AHNAK2: variants seen among roughly 807,000 people sequenced by gnomAD.
The protein encoded by AHNAK2 is AHNAK nucleoprotein 2, also known as protein AHNAK2.
In AHNAK2, 18 loss-of-function variants were observed where a neutral mutation model predicts 30.7. The observed-to-expected ratio is 0.59, with a 90% CI of 0.41 to 0.87. The LOEUF is 0.87. AHNAK2 is among the 40% of genes least tolerant of loss of function. The pLI is 0.00. For missense variants in AHNAK2, 8,604 were observed against 7,373.0 expected (o/e 1.17, Z -6.11); for synonymous variants, 3,590 against 3,073.8 (o/e 1.17, Z -5.56).
At chr14:104,956,751 G>C (rs1898987786) in intron 3 of AHNAK2, 62 bp from the exon 4 acceptor site, 5 of 1,509,894 alleles carry the variant, frequency 3.3e-6, no homozygotes, top group Non-Finnish European at 4.6e-6. Context: ...GAGGGGCACA[G>C]GTAGGCTGGT....
At position 104,948,471 on chromosome 14, in the gene AHNAK2, G is replaced by A. The variant is rs373144352; in HGVS notation, c.6980C>T (p.Ser2327Leu). 61 of 1,610,714 alleles carry A rather than the reference G, an allele frequency of 3.8e-5. No homozygotes were observed. The highest frequency in any genetic ancestry group is 6.6e-5 in the South Asian group (6 of 91,032). ...KFKMPKFKML[S>L]FGVSALGKSI... ...CTTGCCAAGGGCAGACACCCCAAACGACAGCATCTTGAACTTGGGCATTTT... is the reference window on the plus strand; with the variant it reads ...CTTGCCAAGGGCAGACACCCCAAACAACAGCATCTTGAACTTGGGCATTTT... Residue 2327 changes from serine to leucine, a missense_variant, in exon 7 of 7, where the codon TCG becomes TTG. Coordinates refer to ENST00000333244, the MANE Select transcript of AHNAK2 (RefSeq NM_138420.4).
rs1385217169 is a variant in AHNAK2, at chr14:104,947,533, C to G, written c.7918G>C (p.Gly2640Arg). 1.9e-6 allele frequency: 3 copies of G among 1,612,512 alleles called. No individual in the cohort carries two copies. The change falls in exon 7 of 7, where the codon GGT becomes CGT. Residue 2640 changes from glycine to arginine, a missense_variant. By Grantham distance (125) the Gly-to-Arg change is moderately radical (BLOSUM62 -2). Transcript: ENST00000333244. ...AACTTGCTATCTTTGGCTGTCACAC[C>G]CTTGTCGGCCAGGGACAGGTCCCCC... The part of the protein sequence containing the change: ...LEGDLSLADK[G>R]VTAKDSKFKM...
Position 104,943,230 on chromosome 14 carries a change from T to G in AHNAK2, c.12221A>C (p.Lys4074Thr). The G allele has an allele frequency of 3.7e-6, 6 of 1,612,774 alleles. No individual in the cohort carries two copies. The highest frequency in any genetic ancestry group is 5.1e-6 in the Non-Finnish European group (6 of 1,179,496). ...VDLKGPQIDV[K>T]GPKLDLKGPK... Reference sequence around the variant, plus strand: ...GCCTTTCAGGTCCAGCTTGGGGCCCTTAACATCTATCTGGGGGCCCTTGAG... The same window carrying G: ...GCCTTTCAGGTCCAGCTTGGGGCCCGTAACATCTATCTGGGGGCCCTTGAG... The change falls in exon 7 of 7, where the codon AAG (lysine) becomes ACG (threonine). Residue 4074 changes from lysine (K) to threonine (T), a missense_variant. By Grantham distance (78) the Lys-to-Thr change is moderately conservative. Transcript: ENST00000333244.
In AHNAK2 at chr14:104,947,618, C is replaced by T; in HGVS notation, c.7833G>A (p.Leu2611=). ...CCTGGACGTCCACCTCCATGCTGGACAGAGACATCTCCACATCGGGGGCTG... is the reference window on the plus strand; with the variant it reads ...CCTGGACGTCCACCTCCATGCTGGATAGAGACATCTCCACATCGGGGGCTG... ...EVTAPDVEMS[L]SSMEVDVQAP... The change falls in exon 7 of 7, where the codon CTG becomes CTA. Residue 2611 remains leucine, a synonymous_variant. Transcript: ENST00000333244. 5 of 1,613,110 alleles carry T rather than the reference C, an allele frequency of 3.1e-6. No homozygotes were observed. The highest frequency in any genetic ancestry group is 4.2e-6 in the Non-Finnish European group (5 of 1,179,664).
Position 104,953,412 on chromosome 14 carries a change from A to T in AHNAK2, c.2039T>A (p.Phe680Tyr), listed in dbSNP as rs767586966. 2.5e-5 allele frequency: 40 copies of T among 1,613,738 alleles called. No individual in the cohort carries two copies. The highest frequency in any genetic ancestry group is 3.4e-5 in the Non-Finnish European group (40 of 1,179,884). ...TKDSKFKMPKFKMPLFGASAP... is the reference protein window; with the variant it reads ...TKDSKFKMPKYKMPLFGASAP... The stretch of plus-strand genomic sequence containing the variant: ...TGACGCCCCGAACAATGGCATCTTG[A>T]ACTTGGGCATTTTGAACTTGCTGTC... Residue 680 changes from phenylalanine to tyrosine, a missense_variant, in exon 7 of 7, where the codon TTC becomes TAC. Physicochemically the swap from Phe to Tyr is conservative, Grantham distance 22. Transcript: ENST00000333244.
rs755397651 is a variant in AHNAK2 at position 104,943,521 on chromosome 14, G to A, written c.11930C>T (p.Ser3977Leu). Residue 3977 changes from serine (S) to leucine (L), a missense_variant, in exon 7 of 7, where the codon TCG becomes TTG. Coordinates refer to ENST00000333244, the MANE Select transcript of AHNAK2 (RefSeq NM_138420.4). ...KFKMPKFKMP[S>L]FGVSAPGKSM... is the part of the protein sequence containing the mutation. ...CTTGCCTGGGGCAGACACCCCGAACGACGGCATCTTGAACTTGGGCATTTT... is the reference window on the plus strand; with the variant it reads ...CTTGCCTGGGGCAGACACCCCGAACAACGGCATCTTGAACTTGGGCATTTT... 32 of 1,612,888 alleles carry A rather than the reference G, an allele frequency of 2.0e-5. No individual in the cohort carries two copies. Among genetic ancestry groups the A allele is most frequent in the Middle Eastern group, 3.3e-4 (2 of 6,078 alleles).
Position 104,942,631 on chromosome 14 carries a change from T to A in AHNAK2, c.12820A>T (p.Lys4274Ter). Residue 4274 changes from lysine (K) to a stop codon, truncating the protein, a stop_gained, in exon 7 of 7, where the codon AAG becomes TAG. Coordinates refer to ENST00000333244, the MANE Select transcript of AHNAK2 (RefSeq NM_138420.4). LOFTEE classifies it low-confidence loss of function (END_TRUNC). ...MEVDVEAPGA[K>*]LDSVRLEGDL... is the part of the protein sequence containing the mutation. Reference sequence around the variant, plus strand: ...CCCTCCAGCCGCACACTGTCCAGCTTGGCTCCCGGGGCCTCGACGTCCACC... The same window carrying A: ...CCCTCCAGCCGCACACTGTCCAGCTAGGCTCCCGGGGCCTCGACGTCCACC... 1 of 1,613,344 alleles carries A rather than the reference T, an allele frequency of 6.2e-7. No homozygotes were observed. Among genetic ancestry groups the A allele is most frequent in the Non-Finnish European group, 8.5e-7 (1 of 1,179,666 alleles).
rs1245417219 is a variant in AHNAK2 at position 104,943,792 on chromosome 14, G to C, written c.11659C>G (p.Pro3887Ala). 1 of 1,613,040 alleles carries C rather than the reference G, an allele frequency of 6.2e-7. No individual in the cohort carries two copies. Among genetic ancestry groups the C allele is most frequent in the African/African-American group, 1.3e-5 (1 of 74,736 alleles). Residue 3887 changes from proline to alanine, a missense_variant, in exon 7 of 7, where the codon CCC becomes GCC. Pro to Ala is a conservative substitution (Grantham distance 27). Transcript: ENST00000333244. ...TTGAAACTGGGCATCTGCACCTTGG[G>C]CAGGTGTCCTTTGAGGCCGGCTTCC... ...PEEAGLKGHL[P>A]KVQMPSFKMP...
chr14:104,951,865 C>T lies in AHNAK2; in HGVS notation c.3586G>A (p.Asp1196Asn), dbSNP rs369430501. The change falls in exon 7 of 7, where the codon GAC becomes AAC. Residue 1196 changes from aspartate to asparagine, a missense_variant. Asp to Asn is a conservative substitution (Grantham distance 23). Transcript: ENST00000333244. ...CCCTGCATGGAGGGGAGACTCACGT[C>T]GGCCTCCACTTTGGGTGCAGACACA... ...VDVSAPKVEA[D>N]VSLPSMQGDL... 24 of 1,608,506 alleles carry T rather than the reference C, an allele frequency of 1.5e-5. No individual in the cohort carries two copies. Among genetic ancestry groups the T allele is most frequent in the African/African-American group, 1.1e-4 (8 of 73,856 alleles).
chr14:104,956,659 C>T lies in AHNAK2; in HGVS notation c.244G>A (p.Gly82Arg), dbSNP rs776397834. Residue 82 changes from glycine to arginine, a missense_variant, in exon 4 of 7, where the codon GGG becomes AGG. Physicochemically the swap from Gly to Arg is moderately radical, Grantham distance 125. Coordinates refer to ENST00000333244, the MANE Select transcript of AHNAK2 (RefSeq NM_138420.4). ...EDAPGRQGSA[G>R]RRRSWWKRDS... ...CGCTTCCACCAGGATCTCCGTCTCC[C>T]AGCAGAACCTTGCCTGCCGGGGGCG... 4 of 1,613,770 alleles carry T rather than the reference C, an allele frequency of 2.5e-6. No homozygotes were observed. The South Asian group carries it at 4.4e-5, about 18-fold the overall frequency.
rs138175498 is a variant in AHNAK2 at position 104,950,372 on chromosome 14, G to A, written c.5079C>T (p.Ser1693=). The change falls in exon 7 of 7, where the codon AGC becomes AGT. Residue 1693 remains serine, a synonymous_variant. Coordinates refer to ENST00000333244, the MANE Select transcript of AHNAK2 (RefSeq NM_138420.4). ...TCAGGTCCCCCTGCATGGAGGGGAG[G>A]CTCACATCAGCTTCCACCTTCGGCT... ...VSEPKVEADV[S]LPSMQGDLKT... 3.2e-4 allele frequency: 514 copies of A among 1,585,748 alleles called. 55 individuals are homozygous for A. Among genetic ancestry groups the A allele is most frequent in the African/African-American group, 1.9e-3 (136 of 72,314 alleles).
Position 104,948,854 on chromosome 14 carries a change from A to G in AHNAK2, c.6597T>C (p.Thr2199=), listed in dbSNP as rs113339061. 2 of 1,610,532 alleles carry G rather than the reference A, an allele frequency of 1.2e-6. No homozygotes were observed. Among genetic ancestry groups the G allele is most frequent in the Non-Finnish European group, 1.7e-6 (2 of 1,178,654 alleles). Reference sequence around the variant, plus strand: ...CGGAAAGGGGCTGAATGCTGAGGTCAGTGGTCTTGAGGTCCCCCTGCATGG... The same window carrying G: ...CGGAAAGGGGCTGAATGCTGAGGTCGGTGGTCTTGAGGTCCCCCTGCATGG... ...LPSMQGDLKT[T]DLSIQPLSAD... The change falls in exon 7 of 7, where the codon ACT becomes ACC. Residue 2199 remains threonine, a synonymous_variant. Transcript: ENST00000333244.
In AHNAK2 at chr14:104,941,056, C is replaced by T. The variant is rs544448180; in HGVS notation, c.14395G>A (p.Val4799Ile). 7.4e-6 allele frequency: 12 copies of T among 1,613,602 alleles called. No homozygotes were observed. Among genetic ancestry groups the T allele is most frequent in the Non-Finnish European group, 1.0e-5 (12 of 1,179,892 alleles). Residue 4799 changes from valine to isoleucine, a missense_variant, in exon 7 of 7, where the codon GTT becomes ATT. By Grantham distance (29) the Val-to-Ile change is conservative. Coordinates refer to ENST00000333244, the MANE Select transcript of AHNAK2 (RefSeq NM_138420.4). ...TCAGGGGCCAAGGCAGCTCTGGGAACAGTCACCTGGTATTTTGTAAGTGTA... is the reference window on the plus strand; with the variant it reads ...TCAGGGGCCAAGGCAGCTCTGGGAATAGTCACCTGGTATTTTGTAAGTGTA... ...DVTLTKYQVT[V>I]PRAALAPELA... is the part of the protein sequence containing the mutation.
intron 1 of AHNAK2, among the ~76,000 whole-genome samples, chr14:104,968,320 G>A (rs1899370200): frequency 6.9e-6 from 1 of 145,662 alleles, no homozygotes; most frequent in Admixed American, 6.7e-5. Flanking sequence ...GCCTCCCCGA[G>A]AACTGGACTA....
rs772328450 is a variant in AHNAK2, at chr14:104,945,385, G to A, written c.10066C>T (p.Leu3356Phe). 1 of 1,612,732 alleles carries A rather than the reference G, an allele frequency of 6.2e-7. No homozygotes were observed. The highest frequency in any genetic ancestry group is 1.1e-5 in the South Asian group (1 of 91,030). The change falls in exon 7 of 7, where the codon CTC becomes TTC. Residue 3356 changes from leucine (L) to phenylalanine (F), a missense_variant. Coordinates refer to ENST00000333244, the MANE Select transcript of AHNAK2 (RefSeq NM_138420.4). ...TCCACAGAAGGGAGCTGAATGCTGA[G>A]GTCAGTGGTCTTGAGGTCCCCCTGC... ...SMQGDLKTTDLSIQLPSVDLE... is the reference protein window; with the variant it reads ...SMQGDLKTTDFSIQLPSVDLE...
intron 1 of AHNAK2, among the ~76,000 whole-genome samples, chr14:104,972,369 A>C (rs1289831754): frequency 6.6e-6 from 1 of 152,022 alleles, no homozygotes; most frequent in African/African-American, 2.4e-5. Flanking sequence ...ACCACCTGAC[A>C]CCCACACTCA....
rs1274135736 is a variant in AHNAK2, at chr14:104,945,384, A to G, written c.10067T>C (p.Leu3356Pro). The G allele has an allele frequency of 6.2e-7, 1 of 1,612,566 alleles. No individual in the cohort carries two copies. The highest frequency in any genetic ancestry group is 8.5e-7 in the Non-Finnish European group (1 of 1,179,468). Residue 3356 changes from leucine (L) to proline (P), a missense_variant, in exon 7 of 7, where the codon CTC (leucine) becomes CCC (proline). By Grantham distance (98) the Leu-to-Pro change is moderately conservative. Transcript: ENST00000333244. ...SMQGDLKTTD[L>P]SIQLPSVDLE... ...GTCCACAGAAGGGAGCTGAATGCTG[A>G]GGTCAGTGGTCTTGAGGTCCCCCTG...
Position 104,952,006 on chromosome 14 carries a change from G to A in AHNAK2, c.3445C>T (p.Leu1149=). 1 of 1,612,458 alleles carries A rather than the reference G, an allele frequency of 6.2e-7. No homozygotes were observed. The highest frequency in any genetic ancestry group is 8.5e-7 in the Non-Finnish European group (1 of 1,179,604). Residue 1149 remains leucine, a synonymous_variant, in exon 7 of 7, where the codon CTG becomes TTG. Transcript: ENST00000333244. ...GTCACATCCTTGTCGGCCAGGGACAGTTCCCCCTCCAGCCGCGCACTGTCC... is the reference window on the plus strand; with the variant it reads ...GTCACATCCTTGTCGGCCAGGGACAATTCCCCCTCCAGCCGCGCACTGTCC... ...KLDSARLEGE[L]SLADKDVTAK...
intron 1 of AHNAK2, among the ~76,000 whole-genome samples, chr14:104,972,974 A>AC (rs111329706): frequency 0.015 from 2,295 of 152,174 alleles, 60 homozygotes; most frequent in African/African-American, 0.053. Flanking sequence ...CATGCTTCAC[A>AC]CCTGCCCCTG....
Sources: allele counts gnomAD v4.1 joint callset (sites outside exome capture counted in the v4.1 genomes callset), GRCh38; gene constraint gnomAD v4.1.1; transcripts MANE v1.5; gene names NCBI Gene and HGNC (gene_info 2026-07-23, HGNC 2026-07-21).